Variants in VWA8 observed in about 807,000 individuals in gnomAD.
VWA8 encodes von Willebrand factor A domain containing 8.
Under a neutral mutation model 241.5 loss-of-function variants are expected in VWA8, and 221 were observed. The ratio of observed to expected loss-of-function variants is 0.91; its 90% CI spans 0.82 to 1.02. The LOEUF is 1.02. VWA8 is among the 50% of genes least tolerant of loss of function. The pLI, the probability that VWA8 is intolerant of heterozygous loss-of-function variation, is 0.00. For missense variants in VWA8, 2,322 were observed against 2,328.7 expected (o/e 1.00, Z 0.06); for synonymous variants, 852 against 827.1 (o/e 1.03, Z -0.52).
intron 37 of VWA8, among the ~76,000 whole-genome samples, chr13:41,638,295 C>T (rs9594602): frequency 0.33 from 50,097 of 152,068 alleles, 9,162 homozygotes; most frequent in Non-Finnish European, 0.42. Flanking sequence ...ATGGAGAACT[C>T]ATTCTATTTT....
chr13:41,714,527 A>C (rs1009446473), intron 26 of VWA8, among the ~76,000 whole-genome samples: 3 of 152,012 alleles, frequency 2.0e-5, no homozygotes, highest in Admixed American at 6.5e-5. Context: ...ACAATCTTTG[A>C]GAAGTCTATA....
At position 41,581,219 on chromosome 13, in the gene VWA8, G is replaced by A. The variant is rs1398228882; in HGVS notation, c.5272-5381C>T. On this transcript the variant is annotated intron_variant, in intron 42 of 44. Transcript: ENST00000379310. ...GGGTTTCACCGTGTTACCCAGGATG[G>A]TCTCGATCTCCTGACCTCGTGATCC... Among the ~76,000 whole-genome samples the A allele has an allele frequency of 2.5e-5, 2 of 79,802 alleles. 1 individual carries two copies. Among genetic ancestry groups the A allele is most frequent in the African/African-American group, 2.3e-4 (2 of 8,604 alleles). The allele number at this position is 79,802 out of a possible 152,430, so 52.4% of individuals were successfully genotyped here.
intron 37 of VWA8, among the ~76,000 whole-genome samples, chr13:41,641,845 T>C (rs2044797315): frequency 6.6e-6 from 1 of 151,998 alleles, no homozygotes; most frequent in Non-Finnish European, 1.5e-5. Context: ...AACCTTTCCT[T>C]GGTATGCACG....
chr13:41,922,219 C>G (rs528984462), intron 2 of VWA8, among the ~76,000 whole-genome samples: 2 of 152,194 alleles, frequency 1.3e-5, no homozygotes, highest in Non-Finnish European at 2.9e-5. Context: ...GCTAGGAAAA[C>G]TGGCTAGCCA....
rs111961782 is a variant in VWA8 at position 41,926,496 on chromosome 13, T to C, written c.242-14328A>G. On this transcript the variant is annotated intron_variant, in intron 2 of 44. Coordinates refer to ENST00000379310, the MANE Select transcript of VWA8 (RefSeq NM_015058.2). Reference sequence around the variant, plus strand: ...ATTGCTCCGGAACTCTATCATAAGATGCTAGTGGTTGGTGGCACCAAGCAG... The same window carrying C: ...ATTGCTCCGGAACTCTATCATAAGACGCTAGTGGTTGGTGGCACCAAGCAG... 340 of 530,458 alleles carry C rather than the reference T, an allele frequency of 6.4e-4. 3 individuals are homozygous for C. Among genetic ancestry groups the C allele is most frequent in the African/African-American group, 5.8e-3 (302 of 52,274 alleles). The allele number at this position is 530,458 out of a possible 1,614,324, so 32.9% of individuals were successfully genotyped here.
intron 17 of VWA8, among the ~76,000 whole-genome samples, chr13:41,796,768 AGTGT>A (rs1869720547): frequency 1.3e-5 from 2 of 151,262 alleles, no homozygotes; most frequent in African/African-American, 4.9e-5. Context: ...ATTATTTTCA[AGTGT>A]GTGAGTTTAA....
At chr13:41,792,363 T>C (rs1869498308) in intron 17 of VWA8, among the ~76,000 whole-genome samples, 1 of 151,926 alleles carries the variant, frequency 6.6e-6, no homozygotes, top group South Asian at 2.1e-4. Flanking sequence ...TCTTTATTTA[T>C]AACCATGTAT....
intron 17 of VWA8, 114 bp from the exon 18 acceptor site, chr13:41,787,657 A>G: frequency 2.9e-6 from 2 of 681,600 alleles, no homozygotes; most frequent in South Asian, 3.5e-5. Context: ...ATTACAACTA[A>G]TTAAGGAAGA....
At position 41,913,998 on chromosome 13, in the gene VWA8, T is replaced by C. The variant is rs1054202030; in HGVS notation, c.242-1830A>G. Among the ~76,000 whole-genome samples, 3 of 152,218 alleles carry C rather than the reference T, an allele frequency of 2.0e-5. No homozygotes were observed. In the South Asian group the frequency reaches 6.2e-4, roughly 32 times the overall value. On this transcript the variant is annotated intron_variant, in intron 2 of 44. Transcript: ENST00000379310. ...GGCTCACGCCTGTAATCCCAGCACT[T>C]TGGGAGGCCGAGGCAGGTGGATCAC... is the stretch of plus-strand genomic sequence containing the variant.
At chr13:41,945,995 GAA>G (rs1418924414) in intron 2 of VWA8, among the ~76,000 whole-genome samples, 1 of 151,924 alleles carries the variant, frequency 6.6e-6, no homozygotes, top group East Asian at 1.9e-4. Context: ...TCAAAAAGCT[GAA>G]GAGAGAATCT....
chr13:41,851,758 C>G (rs983147284), intron 12 of VWA8, among the ~76,000 whole-genome samples: 1 of 152,114 alleles, frequency 6.6e-6, no homozygotes, highest in Non-Finnish European at 1.5e-5. Flanking sequence ...TGGATTAATA[C>G]AGACGGGATT....
rs1186303107 is a variant in VWA8, at chr13:41,770,587, T to C, written c.2349+7398A>G. Among the ~76,000 whole-genome samples the C allele has an allele frequency of 3.3e-5, 5 of 152,196 alleles. No homozygotes were observed. In the East Asian group the frequency reaches 9.6e-4, roughly 29 times the overall value. On this transcript the variant is annotated intron_variant, in intron 20 of 44. Coordinates refer to ENST00000379310, the MANE Select transcript of VWA8 (RefSeq NM_015058.2). Reference sequence around the variant, plus strand: ...ACAAGATAGAGCCACTTTCACCTTTTAGAATAAATAACATTAAGAGATTCT... The same window carrying C: ...ACAAGATAGAGCCACTTTCACCTTTCAGAATAAATAACATTAAGAGATTCT...
intron 17 of VWA8, among the ~76,000 whole-genome samples, chr13:41,795,269 T>C (rs1021580004): frequency 6.6e-6 from 1 of 151,850 alleles, no homozygotes; most frequent in South Asian, 2.1e-4. Flanking sequence ...GCCAGAAAAA[T>C]AGCAATTAGT....
intron 37 of VWA8, among the ~76,000 whole-genome samples, chr13:41,630,117 T>C (rs1566394375): frequency 6.6e-6 from 1 of 152,144 alleles, no homozygotes; most frequent in Non-Finnish European, 1.5e-5. Context: ...AGGTAGTGGG[T>C]TGGGAGCATA....
intron 9 of VWA8, among the ~76,000 whole-genome samples, chr13:41,882,674 C>T (rs1230996012): frequency 6.6e-6 from 1 of 152,192 alleles, no homozygotes; most frequent in African/African-American, 2.4e-5. Context: ...CGTGGCGTCG[C>T]GCGCCTGCAA....
chr13:41,862,430 CA>C (rs1298990820), intron 12 of VWA8, among the ~76,000 whole-genome samples: 3 of 152,036 alleles, frequency 2.0e-5, no homozygotes, highest in Non-Finnish European at 4.4e-5. Context: ...GCAACAAAAC[CA>C]AAAATTGACA....
chr13:41,719,870 A>C (rs1175076820), intron 25 of VWA8, 128 bp from the exon 26 acceptor site: 2 of 839,538 alleles, frequency 2.4e-6, no homozygotes, highest in Non-Finnish European at 3.5e-6. Flanking sequence ...TTGTCAAATA[A>C]GCAGGTAGTA....
intron 37 of VWA8, among the ~76,000 whole-genome samples, chr13:41,622,967 A>C (rs1488618895): frequency 2.6e-5 from 4 of 152,222 alleles, no homozygotes; most frequent in Non-Finnish European, 4.4e-5. Context: ...CCTTTTAAAC[A>C]GAAGTCGGAT....
At chr13:41,758,930 T>C (rs181285800) in intron 21 of VWA8, among the ~76,000 whole-genome samples, 1 of 151,544 alleles carries the variant, frequency 6.6e-6, no homozygotes, top group East Asian at 1.9e-4. Flanking sequence ...GATCATATGG[T>C]TTTTTATTTA....
Sources: allele counts gnomAD v4.1 joint callset (sites outside exome capture counted in the v4.1 genomes callset), GRCh38; gene constraint gnomAD v4.1.1; transcripts MANE v1.5; gene names NCBI Gene and HGNC (gene_info 2026-07-23, HGNC 2026-07-21).